Variants in KAZN observed in about 807,000 individuals in gnomAD.
KAZN encodes kazrin, periplakin interacting protein.
A neutral mutation model predicts 87.4 loss-of-function variants in KAZN; 40 were observed. The observed-to-expected ratio is 0.46, with a 90% CI of 0.36 to 0.60. The LOEUF (loss-of-function observed/expected upper bound fraction) is 0.60, where lower values mean the gene tolerates loss of function less well. Among genes scored for constraint, KAZN ranks in the 20% least tolerant of loss-of-function variants. The probability of loss-of-function intolerance (pLI) is 0.00; values close to 1 mark genes in which losing one functional copy is unlikely to be tolerated. For missense variants in KAZN, 898 were observed against 1,073.9 expected, an observed-to-expected ratio of 0.84 and a Z score of 2.29; for synonymous variants, 466 against 458.3, an observed-to-expected ratio of 1.02 and a Z score of -0.22.
In KAZN at chr1:14,488,553, A is replaced by G. The variant is rs1669474307; in HGVS notation, c.250-110430A>G. Reference sequence around the variant, plus strand: ...GGGCTTGTAATAGTGGCAACCTCATAGGCTCAGTCTGAGGATTCAGTGAAA... The same window carrying G: ...GGGCTTGTAATAGTGGCAACCTCATGGGCTCAGTCTGAGGATTCAGTGAAA... On this transcript the variant is annotated intron_variant, in intron 2 of 16. Coordinates refer to the KAZN transcript ENST00000636203. Among the ~76,000 whole-genome samples, 3 of 152,286 alleles carry G rather than the reference A, an allele frequency of 2.0e-5. No individual in the cohort carries two copies. In the South Asian group the frequency reaches 6.2e-4, roughly 32 times the overall value.
chr1:14,815,907 T>C (rs1166543971), intron 1 of KAZN, among the ~76,000 whole-genome samples: 1 of 152,126 alleles, frequency 6.6e-6, no homozygotes, highest in Non-Finnish European at 1.5e-5. Flanking sequence ...GTCTCCAAGG[T>C]AGCAACTTCC....
intron 1 of KAZN, among the ~76,000 whole-genome samples, chr1:14,908,066 G>A (rs1225232562): frequency 6.6e-6 from 1 of 152,212 alleles, no homozygotes; most frequent in East Asian, 1.9e-4. Context: ...GACAAGCCAA[G>A]AGGCGGTTCT....
intron 1 of KAZN, among the ~76,000 whole-genome samples, chr1:14,935,946 G>A (rs1439127157): frequency 6.6e-6 from 1 of 152,232 alleles, no homozygotes; most frequent in African/African-American, 2.4e-5. Context: ...GCTCCCCAGT[G>A]CCAGAATTTT....
At chr1:14,717,502 T>A (rs1454957666) in intron 1 of KAZN, among the ~76,000 whole-genome samples, 2 of 152,112 alleles carry the variant, frequency 1.3e-5, no homozygotes, top group Non-Finnish European at 2.9e-5. Flanking sequence ...TCTCTGCCCC[T>A]ATCTTCTGTG....
chr1:14,501,541 A>G (rs1440174306), intron 2 of KAZN, among the ~76,000 whole-genome samples: 1 of 152,260 alleles, frequency 6.6e-6, no homozygotes, highest in African/African-American at 2.4e-5. Context: ...AATTCCTTTT[A>G]GATTGGAATC....
At chr1:14,180,189 A>C (rs1197248134) in intron 1 of KAZN, among the ~76,000 whole-genome samples, 1 of 152,082 alleles carries the variant, frequency 6.6e-6, no homozygotes, top group African/African-American at 2.4e-5. Context: ...GTACCATGTC[A>C]GGCTTTGCTC....
At chr1:14,916,704 G>A (rs926265703) in intron 1 of KAZN, among the ~76,000 whole-genome samples, 9 of 152,038 alleles carry the variant, frequency 5.9e-5, no homozygotes, top group African/African-American at 9.7e-5. Flanking sequence ...CTTAACGCCA[G>A]GAGTTTGCGG....
At chr1:14,752,583 G>A (rs909978989) in intron 1 of KAZN, among the ~76,000 whole-genome samples, 1 of 152,098 alleles carries the variant, frequency 6.6e-6, no homozygotes, top group Non-Finnish European at 1.5e-5. Flanking sequence ...GTCCTCACAT[G>A]GTGGAAGGAC....
intron 2 of KAZN, among the ~76,000 whole-genome samples, chr1:14,315,765 G>T (rs1655611140): frequency 6.6e-6 from 1 of 151,952 alleles, no homozygotes; most frequent in Admixed American, 6.6e-5. Flanking sequence ...GTATTCCCTT[G>T]AAAGTGTATA....
At chr1:15,000,092 A>G (rs1444409423) in intron 2 of KAZN, among the ~76,000 whole-genome samples, 3 of 152,128 alleles carry the variant, frequency 2.0e-5, no homozygotes, top group Non-Finnish European at 4.4e-5. Flanking sequence ...GGCCCTGGGT[A>G]ATCGTGGGGT....
chr1:14,291,283 C>A (rs1653668991), intron 2 of KAZN, among the ~76,000 whole-genome samples: 1 of 152,208 alleles, frequency 6.6e-6, no homozygotes, highest in Admixed American at 6.5e-5. Context: ...TATGCCCTGC[C>A]CCCAGAGGTG....
chr1:15,073,144 C>T (rs915505203), intron 8 of KAZN, among the ~76,000 whole-genome samples: 3 of 152,108 alleles, frequency 2.0e-5, no homozygotes, highest in South Asian at 4.2e-4. Flanking sequence ...TACGAGTCCA[C>T]GTGAAAGGTC....
intron 2 of KAZN, among the ~76,000 whole-genome samples, chr1:14,325,815 G>T (rs1343706952): frequency 6.6e-6 from 1 of 152,174 alleles, no homozygotes; most frequent in Non-Finnish European, 1.5e-5. Flanking sequence ...ACCAACTTTT[G>T]AAACACTTTC....
chr1:14,722,492 C>T (rs55978877), intron 1 of KAZN, among the ~76,000 whole-genome samples: 23,515 of 152,060 alleles, frequency 0.15, 1,942 homozygotes, highest in East Asian at 0.21. Flanking sequence ...AATATACATT[C>T]GTTATAACCG....
At chr1:14,344,197 A>G (rs2100917161) in intron 2 of KAZN, among the ~76,000 whole-genome samples, 1 of 138,664 alleles carries the variant, frequency 7.2e-6, no homozygotes, top group Admixed American at 7.6e-5. Flanking sequence ...TATTTACTGA[A>G]GGAAACTAGC....
At chr1:14,234,327 TCTCA>T (rs1648170605) in intron 2 of KAZN, among the ~76,000 whole-genome samples, 1 of 150,616 alleles carries the variant, frequency 6.6e-6, no homozygotes, top group East Asian at 2.0e-4. Context: ...CACTGCATGT[TCTCA>T]CTCATAAGTG....
At chr1:14,529,611 A>G (rs1265702277) in intron 2 of KAZN, among the ~76,000 whole-genome samples, 1 of 152,076 alleles carries the variant, frequency 6.6e-6, no homozygotes, top group Non-Finnish European at 1.5e-5. Flanking sequence ...AAAATGAGGG[A>G]GGAGACATTC....
At chr1:14,065,563 A>AT (rs1293730756) in intron 1 of KAZN, among the ~76,000 whole-genome samples, 1 of 150,816 alleles carries the variant, frequency 6.6e-6, no homozygotes, top group Non-Finnish European at 1.5e-5. Context: ...TCAGAAATGC[A>AT]TTTAAAAAAA....
chr1:14,718,316 C>T (rs185763400), intron 1 of KAZN, among the ~76,000 whole-genome samples: 190 of 152,314 alleles, frequency 1.2e-3, no homozygotes, highest in African/African-American at 3.4e-3. Context: ...CCGTGGTAGG[C>T]GGTGTGCCCT....
Sources: gnomAD v4.1 joint callset for allele counts (sites outside exome capture counted in the v4.1 genomes callset) on GRCh38, gnomAD v4.1.1 for gene constraint, MANE v1.5 for transcripts, NCBI Gene and HGNC (gene_info 2026-07-23, HGNC 2026-07-21) for gene names.